Variants in SOX6 observed in about 807,000 individuals in gnomAD.
The protein encoded by SOX6 is transcription factor SOX-6.
A neutral mutation model predicts 97.8 loss-of-function variants in SOX6; 11 were observed. That is an observed-to-expected ratio of 0.11 (90% CI 0.07 to 0.19). The LOEUF (loss-of-function observed/expected upper bound fraction) is 0.19. Among genes scored for constraint, SOX6 ranks in the 10% least tolerant of loss-of-function variants. SOX6 has a pLI of 1.00. For missense variants in SOX6, 810 were observed against 1,039.5 expected (o/e 0.78, Z 3.04); for synonymous variants, 360 against 371.4 (o/e 0.97, Z 0.35).
intron 9 of SOX6, among the ~76,000 whole-genome samples, chr11:16,056,869 TA>T (rs1326919006): frequency 1.3e-5 from 2 of 152,168 alleles, no homozygotes; most frequent in African/African-American, 4.8e-5. Flanking sequence ...ACAGGTGGGC[TA>T]ACCTCTTTTC....
At chr11:16,475,553 C>A (rs1860227226) in intron 1 of SOX6, among the ~76,000 whole-genome samples, 1 of 152,144 alleles carries the variant, frequency 6.6e-6, no homozygotes, top group Non-Finnish European at 1.5e-5. Context: ...AGAATACACA[C>A]AATACACACA....
intron 1 of SOX6, among the ~76,000 whole-genome samples, chr11:16,366,012 G>A (rs1023320198): frequency 6.6e-6 from 1 of 152,052 alleles, no homozygotes; most frequent in African/African-American, 2.4e-5. Context: ...TTAGCCCAAA[G>A]GGCAGCTGGA....
At chr11:16,680,124 T>A (rs1418956325) in intron 3 of SOX6, among the ~76,000 whole-genome samples, 1 of 151,810 alleles carries the variant, frequency 6.6e-6, no homozygotes, top group East Asian at 1.9e-4. Flanking sequence ...ACAAAGATAC[T>A]CCGTGAGAAG....
At chr11:16,173,600 A>T in intron 6 of SOX6, among the ~76,000 whole-genome samples, 1 of 127,736 alleles carries the variant, frequency 7.8e-6, no homozygotes, top group African/African-American at 3.0e-5. Context: ...TTAAACTACT[A>T]GAAAAGTGTT....
At chr11:16,149,439 G>T (rs991994815) in intron 6 of SOX6, among the ~76,000 whole-genome samples, 2 of 152,046 alleles carry the variant, frequency 1.3e-5, no homozygotes, top group African/African-American at 4.8e-5. Flanking sequence ...ATTCCAGGAA[G>T]AAAACACAGG....
At chr11:16,343,563 C>A (rs1488349351) in intron 1 of SOX6, among the ~76,000 whole-genome samples, 1 of 151,870 alleles carries the variant, frequency 6.6e-6, no homozygotes, top group East Asian at 1.9e-4. Flanking sequence ...TAGACTAAAT[C>A]TATGAGTTGA....
chr11:16,647,295 C>G (rs901995960), intron 3 of SOX6, among the ~76,000 whole-genome samples: 5 of 152,118 alleles, frequency 3.3e-5, no homozygotes, highest in Non-Finnish European at 7.4e-5. Context: ...CCCCCTTTCC[C>G]TCTCTGCTAA....
intron 4 of SOX6, among the ~76,000 whole-genome samples, chr11:16,204,361 T>C (rs1435286944): frequency 6.6e-6 from 1 of 152,004 alleles, no homozygotes; most frequent in Non-Finnish European, 1.5e-5. Flanking sequence ...CAACCTAGAG[T>C]CCCAGATTGA....
chr11:16,608,671 A>G (rs1341520654), intron 4 of SOX6, among the ~76,000 whole-genome samples: 1 of 152,160 alleles, frequency 6.6e-6, no homozygotes, highest in African/African-American at 2.4e-5. Flanking sequence ...TCTGGAGGCC[A>G]TATGGATTAT....
intron 4 of SOX6, among the ~76,000 whole-genome samples, chr11:16,611,423 CAA>C (rs1848396999): frequency 6.6e-6 from 1 of 152,194 alleles, no homozygotes; most frequent in African/African-American, 2.4e-5. Flanking sequence ...GCATAACTGT[CAA>C]TCGCTCCCAA....
chr11:16,503,574 G>T (rs148555651), intron 4 of SOX6, among the ~76,000 whole-genome samples: 2 of 152,018 alleles, frequency 1.3e-5, no homozygotes, highest in African/African-American at 4.8e-5. Flanking sequence ...GACACAGAGC[G>T]ACTGAAAGTA....
chr11:15,987,689 ATT>A (rs5789928), intron 14 of SOX6, among the ~76,000 whole-genome samples: 60 of 142,064 alleles, frequency 4.2e-4, no homozygotes, highest in South Asian at 1.6e-3. Flanking sequence ...AGAAGCACTG[ATT>A]TTTTTTTTTT....
intron 6 of SOX6, among the ~76,000 whole-genome samples, chr11:16,124,590 G>A (rs1244867793): frequency 6.6e-6 from 1 of 152,014 alleles, no homozygotes; most frequent in Non-Finnish European, 1.5e-5. Context: ...AGAGAGAAAA[G>A]CAACTCAGGC....
chr11:16,449,258 A>C (rs1326960877), intron 1 of SOX6, among the ~76,000 whole-genome samples: 1 of 147,732 alleles, frequency 6.8e-6, no homozygotes, highest in Non-Finnish European at 1.5e-5. Context: ...AATCAGTGTA[A>C]AATTATAAAA....
chr11:16,329,203 T>C (rs1394290325), intron 2 of SOX6, among the ~76,000 whole-genome samples: 2 of 152,146 alleles, frequency 1.3e-5, no homozygotes, highest in African/African-American at 2.4e-5. Context: ...AGCTGTTGTT[T>C]CCTAAATGTT....
intron 12 of SOX6, among the ~76,000 whole-genome samples, chr11:16,017,943 G>C (rs1854936892): frequency 6.6e-6 from 1 of 151,994 alleles, no homozygotes; most frequent in Non-Finnish European, 1.5e-5. Flanking sequence ...GTTGACAGTG[G>C]ATTTTACATG....
intron 1 of SOX6, among the ~76,000 whole-genome samples, chr11:16,416,602 T>G (rs983880778): frequency 6.6e-6 from 1 of 152,292 alleles, no homozygotes; most frequent in East Asian, 1.9e-4. Context: ...ATCTCAGAAT[T>G]TGGACTTTAA....
At chr11:16,006,745 A>C (rs1360030112) in intron 13 of SOX6, among the ~76,000 whole-genome samples, 1 of 152,090 alleles carries the variant, frequency 6.6e-6, no homozygotes, top group Non-Finnish European at 1.5e-5. Flanking sequence ...TTTTATGTAT[A>C]CTAAGCTTGT....
At chr11:16,397,753 A>G (rs1011126407) in intron 1 of SOX6, among the ~76,000 whole-genome samples, 2 of 151,564 alleles carry the variant, frequency 1.3e-5, no homozygotes, top group African/African-American at 4.8e-5. Flanking sequence ...GCCTTACACT[A>G]AAAGGTATAA....
Sources: allele counts gnomAD v4.1 joint callset (sites outside exome capture counted in the v4.1 genomes callset), GRCh38; gene constraint gnomAD v4.1.1; transcripts MANE v1.5; gene names NCBI Gene and HGNC (gene_info 2026-07-23, HGNC 2026-07-21).